Variants in MMP16 observed in about 807,000 individuals in gnomAD.
The protein encoded by MMP16 is matrix metalloproteinase-16.
MMP16 carries 12 observed loss-of-function variants against 67.8 expected under a neutral mutation model. That is an observed-to-expected ratio of 0.18 (90% confidence interval 0.11 to 0.29). The LOEUF (loss-of-function observed/expected upper bound fraction) is 0.29. MMP16 is among the 10% of genes least tolerant of loss of function. The pLI, the probability that MMP16 is intolerant of heterozygous loss-of-function variation, is 1.00. For synonymous variants in MMP16, 249 were observed against 255.9 expected (o/e 0.97, Z 0.26); for missense variants, 475 against 765.7 (o/e 0.62, Z 4.48).
chr8:88,157,353 G>T (rs1808527606), intron 4 of MMP16, among the ~76,000 whole-genome samples: 1 of 151,632 alleles, frequency 6.6e-6, no homozygotes, highest in Admixed American at 6.6e-5. Context: ...AATGTGCACA[G>T]GTTATATGCA....
intron 4 of MMP16, among the ~76,000 whole-genome samples, chr8:88,146,688 CT>C (rs888090443): frequency 2.6e-5 from 4 of 151,490 alleles, no homozygotes; most frequent in Non-Finnish European, 5.9e-5. Context: ...AATGATACTT[CT>C]TTTTTTGGCT....
chr8:88,316,214 C>T (rs1312140255), intron 1 of MMP16, among the ~76,000 whole-genome samples: 1 of 152,132 alleles, frequency 6.6e-6, no homozygotes, highest in Non-Finnish European at 1.5e-5. Context: ...GCAAGTTATC[C>T]AGAAGATCTA....
intron 1 of MMP16, among the ~76,000 whole-genome samples, chr8:88,280,854 C>A (rs1290548848): frequency 6.6e-6 from 1 of 152,094 alleles, no homozygotes; most frequent in Non-Finnish European, 1.5e-5. Flanking sequence ...CACTGCACTC[C>A]ATCCTGGGAA....
At chr8:88,275,214 A>G (rs1291741595) in intron 1 of MMP16, among the ~76,000 whole-genome samples, 1 of 152,002 alleles carries the variant, frequency 6.6e-6, no homozygotes, top group African/African-American at 2.4e-5. Context: ...ATCTAAGTAA[A>G]GATTAAAAAG....
At chr8:88,131,268 TACAC>T (rs111863181) in intron 4 of MMP16, among the ~76,000 whole-genome samples, 17 of 146,958 alleles carry the variant, frequency 1.2e-4, no homozygotes, top group East Asian at 4.1e-4. Context: ...TATAGTATTA[TACAC>T]ACACACACAC....
At chr8:88,097,285 G>T (rs1421226653) in intron 6 of MMP16, among the ~76,000 whole-genome samples, 1 of 151,744 alleles carries the variant, frequency 6.6e-6, no homozygotes, top group East Asian at 2.0e-4. Flanking sequence ...AATTTGCCAA[G>T]GATCTTTTCT....
Position 88,033,604 on chromosome 8 carries a change from G to A in MMP16, c.*7857C>T, listed in dbSNP as rs1808014157. On this transcript the variant is annotated 3_prime_UTR_variant, in exon 10 of 10. Coordinates refer to ENST00000286614, the MANE Select transcript of MMP16 (RefSeq NM_005941.5). ...GTTATATTAGCGCAAAATTGAACTA[G>A]TAAACTCCATTTATTTCCCTCCTAT... 6.6e-6 allele frequency: 1 copy of A among 151,818 alleles called. No individual in the cohort carries two copies. Among genetic ancestry groups the A allele is most frequent in the South Asian group, 2.1e-4 (1 of 4,818 alleles). The allele number at this position is 151,818 out of a possible 1,614,324, so 9.4% of individuals were successfully genotyped here. A position where few individuals can be genotyped will look rare whatever the true frequency, so the allele number is the denominator to read the frequency against.
intron 1 of MMP16, among the ~76,000 whole-genome samples, chr8:88,228,996 T>A (rs918660899): frequency 6.9e-5 from 10 of 145,236 alleles, no homozygotes; most frequent in African/African-American, 2.3e-4. Context: ...CTCGTCTCTA[T>A]GAAAATAAAA....
At chr8:88,065,636 G>A (rs28991891) in intron 7 of MMP16, among the ~76,000 whole-genome samples, 193 of 151,866 alleles carry the variant, frequency 1.3e-3, no homozygotes, top group Middle Eastern at 0.01. Flanking sequence ...ATCCTATAAA[G>A]AAATAAATAA....
intron 8 of MMP16, among the ~76,000 whole-genome samples, chr8:88,055,820 A>C (rs991045881): frequency 2.0e-5 from 3 of 152,164 alleles, no homozygotes; most frequent in African/African-American, 7.2e-5. Flanking sequence ...AAATTCCCCA[A>C]AAGATGCATT....
chr8:88,180,863 GAT>G (rs1808968532), intron 3 of MMP16, among the ~76,000 whole-genome samples: 1 of 152,106 alleles, frequency 6.6e-6, no homozygotes, highest in African/African-American at 2.4e-5. Context: ...AATTATCCCA[GAT>G]ATGCAAGGCT....
chr8:88,147,509 C>T (rs1267414820), intron 4 of MMP16, among the ~76,000 whole-genome samples: 1 of 152,002 alleles, frequency 6.6e-6, no homozygotes, highest in Non-Finnish European at 1.5e-5. Context: ...CTTCATGTCT[C>T]AGAAATTTGT....
chr8:88,191,537 A>G (rs1809168777), intron 2 of MMP16, among the ~76,000 whole-genome samples: 2 of 152,132 alleles, frequency 1.3e-5, no homozygotes, highest in Non-Finnish European at 1.5e-5. Flanking sequence ...ACCTGTATAT[A>G]TGTTATTTAA....
At chr8:88,143,272 C>G (rs879172248) in intron 4 of MMP16, among the ~76,000 whole-genome samples, 2 of 151,970 alleles carry the variant, frequency 1.3e-5, no homozygotes, top group Admixed American at 6.6e-5. Context: ...ATAAATAAAT[C>G]ATGGCAATTT....
At chr8:88,181,336 T>A (rs1165130821) in intron 3 of MMP16, among the ~76,000 whole-genome samples, 5 of 152,012 alleles carry the variant, frequency 3.3e-5, no homozygotes, top group Admixed American at 6.6e-5. Flanking sequence ...TATAGTAAAG[T>A]TGCAGGATAC....
rs28907897 is a variant in MMP16, at chr8:88,311,169, C to T, written c.132+15906G>A. ...GAGACGGCTCACTAATATTTATTCT[C>T]GACACCAAAAAAAATGTATATTAGG... On this transcript the variant is annotated intron_variant, in intron 1 of 9. Coordinates refer to ENST00000286614, the MANE Select transcript of MMP16 (RefSeq NM_005941.5). Among the ~76,000 whole-genome samples, 1,010 of 151,730 alleles carry T rather than the reference C, an allele frequency of 6.7e-3. 9 individuals are homozygous for T. Among genetic ancestry groups the T allele is most frequent in the African/African-American group, 0.023 (960 of 41,392 alleles).
chr8:88,160,846 C>T (rs951606747), intron 4 of MMP16, among the ~76,000 whole-genome samples: 5 of 151,988 alleles, frequency 3.3e-5, no homozygotes, highest in Non-Finnish European at 5.9e-5. Flanking sequence ...ATGTTTATTA[C>T]GTTTATTGAT....
intron 6 of MMP16, among the ~76,000 whole-genome samples, chr8:88,087,013 G>A (rs75774824): frequency 2.0e-5 from 3 of 151,912 alleles, no homozygotes; most frequent in African/African-American, 4.8e-5. Flanking sequence ...GCTTGGCCAG[G>A]AATTTAGGAA....
intron 1 of MMP16, among the ~76,000 whole-genome samples, chr8:88,239,122 T>C (rs1809992600): frequency 6.6e-6 from 1 of 151,860 alleles, no homozygotes; most frequent in African/African-American, 2.4e-5. Flanking sequence ...TGTTTTCCTT[T>C]CCCTGTGTTC....
Sources: gnomAD v4.1 joint callset for allele counts (sites outside exome capture counted in the v4.1 genomes callset) on GRCh38, gnomAD v4.1.1 for gene constraint, MANE v1.5 for transcripts, NCBI Gene and HGNC (gene_info 2026-07-23, HGNC 2026-07-21) for gene names.